The following CDKAL1 variants were observed in gnomAD, a reference collection of about 807,000 sequenced individuals.
The protein encoded by CDKAL1 is threonylcarbamoyladenosine tRNA methylthiotransferase.
A neutral mutation model predicts 68.2 loss-of-function variants in CDKAL1; 32 were observed. That is an observed-to-expected ratio of 0.47 (90% CI 0.35 to 0.63). The LOEUF is 0.63. Among genes scored for constraint, CDKAL1 ranks in the 30% least tolerant of loss-of-function variants. The pLI is 0.00. For synonymous variants in CDKAL1, 234 were observed against 244.3 expected, an observed-to-expected ratio of 0.96 and a Z score of 0.39; for missense variants, 606 against 696.7, an observed-to-expected ratio of 0.87 and a Z score of 1.47.
chr6:20,644,913 A>G (rs756183683), intron 4 of CDKAL1, among the ~76,000 whole-genome samples: 2 of 152,178 alleles, frequency 1.3e-5, no homozygotes, highest in Non-Finnish European at 2.9e-5. Context: ...AACATCATCA[A>G]GTGTACCCAC....
At chr6:20,737,909 C>A (rs890513625) in intron 5 of CDKAL1, among the ~76,000 whole-genome samples, 1 of 152,076 alleles carries the variant, frequency 6.6e-6, no homozygotes, top group African/African-American at 2.4e-5. Context: ...TCTGTACTTC[C>A]CAGAAAATTT....
intron 7 of CDKAL1, among the ~76,000 whole-genome samples, chr6:20,776,414 G>A (rs1186538326): frequency 1.3e-5 from 2 of 152,132 alleles, no homozygotes; most frequent in Admixed American, 6.5e-5. Context: ...TTTTCAGAAC[G>A]AATAAAGTAC....
At chr6:20,991,904 TA>T (rs1388930807) in intron 10 of CDKAL1, among the ~76,000 whole-genome samples, 2 of 150,462 alleles carry the variant, frequency 1.3e-5, no homozygotes, top group African/African-American at 4.9e-5. Context: ...TTTACCACAA[TA>T]AAACAATAAA....
Position 20,856,762 on chromosome 6 carries a change from G to A in CDKAL1, c.742+10584G>A, listed in dbSNP as rs376763367. On this transcript the variant is annotated intron_variant, in intron 9 of 15. Transcript: ENST00000274695. ...TGGAGAACTTTAAAGGCTGCAAGTT[G>A]GTTTTGGAAGGTTGTTTAATGGAAT... 1.7e-3 allele frequency among the ~76,000 whole-genome samples: 252 copies of A among 152,302 alleles called. 8 individuals are homozygous for A. In the South Asian group the frequency reaches 0.049, roughly 30 times the overall value.
At chr6:20,877,698 T>A (rs1434999480) in intron 9 of CDKAL1, among the ~76,000 whole-genome samples, 1 of 152,236 alleles carries the variant, frequency 6.6e-6, no homozygotes, top group Non-Finnish European at 1.5e-5. Context: ...CATGACTTAG[T>A]CCTTGTTTTA....
chr6:21,146,626 G>A (rs756317672), intron 13 of CDKAL1, among the ~76,000 whole-genome samples: 21 of 152,066 alleles, frequency 1.4e-4, no homozygotes, highest in African/African-American at 3.9e-4. Flanking sequence ...CGAGACGGGC[G>A]GATCACAAGG....
At chr6:20,839,055 A>G (rs1778072473) in intron 8 of CDKAL1, among the ~76,000 whole-genome samples, 1 of 151,830 alleles carries the variant, frequency 6.6e-6, no homozygotes, top group Non-Finnish European at 1.5e-5. Flanking sequence ...GTGTCAATTG[A>G]CATATTAGCT....
At chr6:21,054,145 G>T (rs949684414) in intron 11 of CDKAL1, among the ~76,000 whole-genome samples, 1 of 152,040 alleles carries the variant, frequency 6.6e-6, no homozygotes, top group African/African-American at 2.4e-5. Flanking sequence ...TAAGGTGGAG[G>T]GTTTAATAAT....
intron 8 of CDKAL1, among the ~76,000 whole-genome samples, chr6:20,791,093 G>C (rs1297279503): frequency 6.6e-6 from 1 of 152,178 alleles, no homozygotes; most frequent in Non-Finnish European, 1.5e-5. Flanking sequence ...TGGTTTGAAA[G>C]TGGGGTTTCA....
intron 9 of CDKAL1, among the ~76,000 whole-genome samples, chr6:20,864,709 T>A (rs1407918854): frequency 6.6e-6 from 1 of 152,188 alleles, no homozygotes; most frequent in Non-Finnish European, 1.5e-5. Flanking sequence ...AAAATGGTAT[T>A]TCTCAAATTG....
Position 21,200,964 on chromosome 6 carries a change from G to A in CDKAL1, c.1384-146G>A, listed in dbSNP as rs994811204. ...ATTGTGGCAAAAGTGCTATACTAAT[G>A]TAAGACGGTAAATAATAAGAAAACT... On this transcript the variant is annotated intron_variant, in intron 14 of 15. Coordinates refer to ENST00000274695, the MANE Select transcript of CDKAL1 (RefSeq NM_017774.3). 23 of 629,128 alleles carry A rather than the reference G, an allele frequency of 3.7e-5. 1 individual carries two copies. Among genetic ancestry groups the A allele is most frequent in the Non-Finnish European group, 6.0e-5 (23 of 381,650 alleles). 39.0% of individuals were successfully genotyped at this position (629,128 alleles called of 1,614,324 possible). A position where few individuals can be genotyped will look rare whatever the true frequency, so the allele number is the denominator to read the frequency against.
chr6:20,597,662 G>C (rs1765892991), intron 4 of CDKAL1, among the ~76,000 whole-genome samples: 1 of 148,920 alleles, frequency 6.7e-6, no homozygotes, highest in African/African-American at 2.5e-5. Flanking sequence ...CAATCCACCT[G>C]CCTCGGCCTC....
intron 13 of CDKAL1, among the ~76,000 whole-genome samples, chr6:21,135,415 TCTGCTA>T (rs1775541876): frequency 6.6e-6 from 1 of 152,190 alleles, no homozygotes; most frequent in Non-Finnish European, 1.5e-5. Context: ...CTGGATTTCA[TCTGCTA>T]CATTCATGAG....
intron 13 of CDKAL1, among the ~76,000 whole-genome samples, chr6:21,193,142 C>T (rs1399069617): frequency 6.6e-6 from 1 of 152,088 alleles, no homozygotes. Context: ...GAGATTTTGG[C>T]AGGCTTCTTT....
chr6:21,153,450 T>C (rs571326865), intron 13 of CDKAL1, among the ~76,000 whole-genome samples: 35 of 152,296 alleles, frequency 2.3e-4, no homozygotes, highest in African/African-American at 7.7e-4. Flanking sequence ...TCAATAGTAA[T>C]ATTTTATCTT....
intron 6 of CDKAL1, among the ~76,000 whole-genome samples, chr6:20,747,016 A>G (rs1312664444): frequency 6.6e-6 from 1 of 152,084 alleles, no homozygotes; most frequent in Admixed American, 6.6e-5. Context: ...CACCCCGGTA[A>G]TCCCCAGGCT....
At chr6:20,940,891 C>G (rs1481513759) in intron 9 of CDKAL1, among the ~76,000 whole-genome samples, 1 of 152,084 alleles carries the variant, frequency 6.6e-6, no homozygotes, top group Non-Finnish European at 1.5e-5. Flanking sequence ...GAGATCAAGA[C>G]CATCCTGGCT....
chr6:21,200,905 T>C (rs1778660180), intron 14 of CDKAL1: 1 of 419,348 alleles, frequency 2.4e-6, no homozygotes, highest in South Asian at 5.3e-5. Flanking sequence ...ATGCCTTCGG[T>C]TAATAATATT....
intron 12 of CDKAL1, among the ~76,000 whole-genome samples, chr6:21,072,676 C>CTTTTTTTTTTTTTTTTTTTTTTTT (rs66763305): frequency 7.6e-6 from 1 of 131,196 alleles, no homozygotes. Flanking sequence ...AATAGAGTAT[C>CTTTTTTTTTTTTTTTTTTTTTTTT]TTTTTTTTTT....
Sources: gnomAD v4.1 joint callset for allele counts (sites outside exome capture counted in the v4.1 genomes callset) on GRCh38, gnomAD v4.1.1 for gene constraint, MANE v1.5 for transcripts, NCBI Gene and HGNC (gene_info 2026-07-23, HGNC 2026-07-21) for gene names.